Variants in MYO16 observed in about 807,000 individuals in gnomAD.
MYO16 encodes myosin XVI, also known as unconventional myosin-XVI.
MYO16 carries 94 observed loss-of-function variants against 205.3 expected under a neutral mutation model. The observed-to-expected ratio is 0.46, with a 90% CI of 0.39 to 0.54. The LOEUF (loss-of-function observed/expected upper bound fraction) is 0.54, where lower values mean the gene tolerates loss of function less well. Among genes scored for constraint, MYO16 ranks in the 20% least tolerant of loss-of-function variants. The pLI is 0.00. For synonymous variants in MYO16, 988 were observed against 954.0 expected (o/e 1.04, Z -0.66); for missense variants, 2,315 against 2,387.5 (o/e 0.97, Z 0.63).
chr13:108,663,302 ATTCT>A (rs1017361615), intron 1 of MYO16, among the ~76,000 whole-genome samples: 2 of 141,834 alleles, frequency 1.4e-5, no homozygotes, highest in East Asian at 2.0e-4. Flanking sequence ...TATCTTATAG[ATTCT>A]TTCTTTATTT....
intron 29 of MYO16, among the ~76,000 whole-genome samples, chr13:109,124,200 A>G (rs1385362440): frequency 6.6e-6 from 1 of 152,154 alleles, no homozygotes; most frequent in Non-Finnish European, 1.5e-5. Context: ...ACTGATTGCA[A>G]ATATGCTTCC....
intron 8 of MYO16, 122 bp downstream of exon 8, chr13:108,820,534 A>T: frequency 1.4e-5 from 11 of 787,704 alleles, no homozygotes; most frequent in Non-Finnish European, 2.3e-5. Flanking sequence ...GAAGCTGTGT[A>T]ACAACCAGCC....
At chr13:108,834,013 G>C (rs961538635) in intron 9 of MYO16, among the ~76,000 whole-genome samples, 1 of 151,848 alleles carries the variant, frequency 6.6e-6, no homozygotes, top group Non-Finnish European at 1.5e-5. Flanking sequence ...ACAATTTCTT[G>C]TTGAATAAAA....
At chr13:108,750,977 G>A (rs899848469) in intron 4 of MYO16, among the ~76,000 whole-genome samples, 3 of 152,240 alleles carry the variant, frequency 2.0e-5, no homozygotes, top group African/African-American at 7.2e-5. Flanking sequence ...GACAATATCA[G>A]TATGAACTCA....
At chr13:109,158,842 T>C (rs72656296) in intron 32 of MYO16, among the ~76,000 whole-genome samples, 9,208 of 152,262 alleles carry the variant, frequency 0.06, 337 homozygotes, top group South Asian at 0.076. Context: ...AAATGTTAAC[T>C]GTTTGTACAT....
intron 2 of MYO16, among the ~76,000 whole-genome samples, chr13:108,703,843 C>G (rs1015452928): frequency 2.0e-5 from 3 of 152,262 alleles, no homozygotes; most frequent in South Asian, 2.1e-4. Context: ...ATGTTATACC[C>G]TTAGCCCCCA....
intron 4 of MYO16, among the ~76,000 whole-genome samples, chr13:108,739,056 T>A (rs903178757): frequency 5.9e-5 from 9 of 152,204 alleles, no homozygotes; most frequent in Admixed American, 2.0e-4. Context: ...GGGTCTCCTG[T>A]ATACAGCACA....
At chr13:108,775,827 G>A (rs1203675664) in intron 4 of MYO16, among the ~76,000 whole-genome samples, 6 of 152,156 alleles carry the variant, frequency 3.9e-5, no homozygotes, top group South Asian at 2.1e-4. Context: ...TTCATTCAAC[G>A]GGAAGAATTA....
intron 23 of MYO16, among the ~76,000 whole-genome samples, chr13:109,024,945 A>G (rs1886315183): frequency 6.6e-6 from 1 of 152,220 alleles, no homozygotes; most frequent in African/African-American, 2.4e-5. Context: ...TTATAAATCA[A>G]GACACGTAGA....
intron 4 of MYO16, among the ~76,000 whole-genome samples, chr13:108,776,328 G>C (rs1373413813): frequency 6.6e-6 from 1 of 152,174 alleles, no homozygotes; most frequent in Non-Finnish European, 1.5e-5. Flanking sequence ...ATTACATAGA[G>C]AGGTGGATAC....
At chr13:108,916,764 TTC>T (rs1324895383) in intron 16 of MYO16, among the ~76,000 whole-genome samples, 14 of 152,212 alleles carry the variant, frequency 9.2e-5, no homozygotes, top group Admixed American at 9.2e-4. Context: ...CCGTCCTGCC[TTC>T]TGTTCTTGAT....
chr13:108,688,143 TA>T (rs998125683), intron 2 of MYO16, among the ~76,000 whole-genome samples: 3 of 152,024 alleles, frequency 2.0e-5, no homozygotes, highest in African/African-American at 4.8e-5. Context: ...CTTTCTCTTG[TA>T]AAAAAATAGG....
intron 7 of MYO16, among the ~76,000 whole-genome samples, chr13:108,814,735 AT>A (rs11338993): frequency 0.84 from 127,699 of 152,174 alleles, 57,985 homozygotes; most frequent in Non-Finnish European, 1. Context: ...GAATCTAGCA[AT>A]AGGGCATACT....
At chr13:109,107,028 A>C (rs894424643) in intron 28 of MYO16, among the ~76,000 whole-genome samples, 2 of 152,174 alleles carry the variant, frequency 1.3e-5, no homozygotes, top group Admixed American at 1.3e-4. Context: ...CAAGATTATA[A>C]TACAGACAGG....
At chr13:108,535,407 G>A in the MYO16 span, among the ~76,000 whole-genome samples, 1 of 152,154 alleles carries the variant, frequency 6.6e-6, no homozygotes, top group African/African-American at 2.4e-5. Flanking sequence ...GATCATTCCG[G>A]ACCAGAATCC....
the MYO16 span, among the ~76,000 whole-genome samples, chr13:108,526,755 A>G: frequency 6.6e-6 from 1 of 152,184 alleles, no homozygotes; most frequent in Non-Finnish European, 1.5e-5. Flanking sequence ...TAATAAATAC[A>G]TTGTATCTTC....
intron 2 of MYO16, 90 bp from the exon 3 acceptor site, chr13:108,712,571 A>AT: frequency 1.8e-6 from 2 of 1,127,120 alleles, no homozygotes; most frequent in Admixed American, 3.4e-5. Context: ...AGCTGTTTGC[A>AT]TTTTAGATAT....
intron 32 of MYO16, among the ~76,000 whole-genome samples, chr13:109,164,366 C>T (rs1011606898): frequency 2.0e-5 from 3 of 152,196 alleles, no homozygotes; most frequent in African/African-American, 7.2e-5. Context: ...AAACACTTAA[C>T]ATAGGACAAG....
Position 108,727,701 on chromosome 13 carries a change from TATC to T in MYO16, c.507+121_507+123del, listed in dbSNP as rs1453092510. The T allele has an allele frequency of 1.3e-5, 14 of 1,093,910 alleles. No individual in the cohort carries two copies. In the African/African-American group the frequency reaches 1.9e-4, roughly 15 times the overall value. The allele number at this position is 1,093,910 out of a possible 1,614,324, so 67.8% of individuals were successfully genotyped here. ...TTGGTTGAGAAAAATCTGCATATGT[TATC>T]ATGTATCTCCCTAGAACACAAGATA... is the stretch of plus-strand genomic sequence containing the variant. On this transcript the variant is annotated intron_variant, in intron 4 of 34. Coordinates refer to ENST00000457511, the MANE Select transcript of MYO16 (RefSeq NM_001198950.3).
Sources: allele counts gnomAD v4.1 joint callset (sites outside exome capture counted in the v4.1 genomes callset), GRCh38; gene constraint gnomAD v4.1.1; transcripts MANE v1.5; gene names NCBI Gene and HGNC (gene_info 2026-07-23, HGNC 2026-07-21).